The following MAMDC2 variants were observed in gnomAD, a reference collection of about 807,000 sequenced individuals.
MAMDC2 encodes MAM domain containing 2.
MAMDC2 carries 57 observed loss-of-function variants against 89.8 expected under a neutral mutation model. The ratio of observed to expected loss-of-function variants is 0.63; its 90% CI spans 0.51 to 0.79. The LOEUF is 0.79. MAMDC2 is among the 30% of genes least tolerant of loss of function. MAMDC2 has a pLI of 0.00. For missense variants in MAMDC2, 800 were observed against 820.6 expected, an observed-to-expected ratio of 0.97 and a Z score of 0.31; for synonymous variants, 313 against 293.4, an observed-to-expected ratio of 1.07 and a Z score of -0.68.
chr9:70,093,218 G>GA (rs1180255408), intron 2 of MAMDC2, among the ~76,000 whole-genome samples: 1 of 152,226 alleles, frequency 6.6e-6, no homozygotes, highest in African/African-American at 2.4e-5. Flanking sequence ...CAATACATGA[G>GA]AAAAAATATT....
At chr9:70,185,243 T>C (rs2032727694) in intron 11 of MAMDC2, among the ~76,000 whole-genome samples, 1 of 152,216 alleles carries the variant, frequency 6.6e-6, no homozygotes, top group East Asian at 1.9e-4. Context: ...TGCTTGCTCC[T>C]TTCTCTGGAA....
chr9:70,158,311 A>T (rs1296349322), intron 9 of MAMDC2, among the ~76,000 whole-genome samples: 1 of 152,134 alleles, frequency 6.6e-6, no homozygotes, highest in African/African-American at 2.4e-5. Context: ...TTAAAAACAT[A>T]ATACCCTGGA....
At chr9:70,197,480 G>A (rs138961099) in intron 11 of MAMDC2, among the ~76,000 whole-genome samples, 10 of 152,202 alleles carry the variant, frequency 6.6e-5, no homozygotes, top group African/African-American at 2.2e-4. Flanking sequence ...TACAAAGGAA[G>A]AGAAAGATGA....
intron 11 of MAMDC2, among the ~76,000 whole-genome samples, chr9:70,173,072 GC>G (rs1164682607): frequency 6.6e-6 from 1 of 152,192 alleles, no homozygotes; most frequent in East Asian, 1.9e-4. Context: ...GTCCTCAGGA[GC>G]CAGTTTCTCT....
chr9:70,156,070 C>T (rs1457452324), intron 9 of MAMDC2, among the ~76,000 whole-genome samples: 1 of 152,128 alleles, frequency 6.6e-6, no homozygotes, highest in Non-Finnish European at 1.5e-5. Context: ...GTCTCTTCTA[C>T]CTCCTGTTAT....
intron 6 of MAMDC2, among the ~76,000 whole-genome samples, chr9:70,131,072 A>G (rs2030785826): frequency 2.0e-5 from 3 of 152,196 alleles, no homozygotes; most frequent in Admixed American, 6.5e-5. Flanking sequence ...GTCCTAGATC[A>G]AAGTATTGGC....
intron 12 of MAMDC2, among the ~76,000 whole-genome samples, chr9:70,222,498 G>A (rs1200051679): frequency 6.6e-6 from 1 of 152,056 alleles, no homozygotes; most frequent in African/African-American, 2.4e-5. Flanking sequence ...AAAATATGTG[G>A]GTGGCCTCCT....
Position 70,168,717 on chromosome 9 carries a change from C to T in MAMDC2, c.1420C>T (p.Leu474=), listed in dbSNP as rs1238130068. The change falls in exon 10 of 14, where the codon CTA becomes TTA. Residue 474 remains leucine (L), a synonymous_variant. Coordinates refer to ENST00000377182, the MANE Select transcript of MAMDC2 (RefSeq NM_153267.5). ...PMPTKVVFMS[L]CKSFWDCGLV... is the part of the protein sequence containing the mutation. ...TGAATTTCAGGTGGTTTTCATGAGC[C>T]TATGCAAAAGTTTCTGGGACTGTGG... The T allele has an allele frequency of 6.2e-7, 1 of 1,613,736 alleles. No homozygotes were observed. The highest frequency in any genetic ancestry group is 8.5e-7 in the Non-Finnish European group (1 of 1,179,738).
intron 2 of MAMDC2, among the ~76,000 whole-genome samples, chr9:70,104,624 C>A (rs1374167901): frequency 6.6e-6 from 1 of 152,094 alleles, no homozygotes; most frequent in Non-Finnish European, 1.5e-5. Flanking sequence ...GAATGAAATT[C>A]TAATATATGC....
intron 2 of MAMDC2, among the ~76,000 whole-genome samples, chr9:70,096,664 A>T (rs544641851): frequency 1.2e-4 from 18 of 152,290 alleles, no homozygotes; most frequent in African/African-American, 3.6e-4. Context: ...GAGAGAATGG[A>T]TATTAGGGAG....
At chr9:70,088,056 G>A (rs183989768) in intron 2 of MAMDC2, among the ~76,000 whole-genome samples, 10 of 152,216 alleles carry the variant, frequency 6.6e-5, no homozygotes, top group Admixed American at 6.5e-4. Context: ...GTGTTCAGTT[G>A]GGAAAGTAAA....
At chr9:70,218,258 A>G in intron 11 of MAMDC2, 79 bp from the exon 12 acceptor site, 2 of 1,463,802 alleles carry the variant, frequency 1.4e-6, no homozygotes, top group Non-Finnish European at 9.2e-7. Flanking sequence ...TTGACTTGAC[A>G]CTCTGAAAGA....
Position 70,218,584 on chromosome 9 carries a change from G to A in MAMDC2, c.1899G>A (p.Glu633=), listed in dbSNP as rs763179658. The A allele has an allele frequency of 1.9e-6, 3 of 1,607,898 alleles. No homozygotes were observed. Among genetic ancestry groups the A allele is most frequent in the Non-Finnish European group, 2.6e-6 (3 of 1,175,564 alleles). Residue 633 remains glutamate (E), a synonymous_variant, in exon 12 of 14, where the codon GAG becomes GAA. Coordinates refer to ENST00000377182, the MANE Select transcript of MAMDC2 (RefSeq NM_153267.5). ...GAGCACTGATTGAATACAGCTGTGA[G>A]AGGCAACACCAGGTAAGCCAACAGA... is the stretch of plus-strand genomic sequence containing the variant. ...WLRALIEYSC[E]RQHQIIFEAI...
At chr9:70,114,756 A>G (rs2029890844) in intron 5 of MAMDC2, among the ~76,000 whole-genome samples, 1 of 152,138 alleles carries the variant, frequency 6.6e-6, no homozygotes, top group African/African-American at 2.4e-5. Context: ...GACGCTTTCA[A>G]GAAAGGAAAA....
At chr9:70,195,561 T>C (rs1467746562) in intron 11 of MAMDC2, among the ~76,000 whole-genome samples, 2 of 152,096 alleles carry the variant, frequency 1.3e-5, no homozygotes, top group Non-Finnish European at 1.5e-5. Flanking sequence ...CAGTTCTGAG[T>C]AGTGTTATGA....
intron 2 of MAMDC2, among the ~76,000 whole-genome samples, chr9:70,095,230 T>C (rs1827998281): frequency 2.6e-5 from 4 of 152,108 alleles, no homozygotes; most frequent in Admixed American, 2.6e-4. Context: ...TTGAGGACAA[T>C]GGGGACCCCC....
intron 11 of MAMDC2, among the ~76,000 whole-genome samples, chr9:70,193,742 G>A (rs755122194): frequency 6.6e-6 from 1 of 152,094 alleles, no homozygotes; most frequent in Non-Finnish European, 1.5e-5. Context: ...CAGGGTATTT[G>A]TTTGGTATTG....
Position 70,127,507 on chromosome 9 carries a change from T to C in MAMDC2, c.900+1092T>C, listed in dbSNP as rs149532940. 1.2e-3 allele frequency among the ~76,000 whole-genome samples: 180 copies of C among 152,102 alleles called. 1 individual carries two copies. Among genetic ancestry groups the C allele is most frequent in the African/African-American group, 4.2e-3 (173 of 41,494 alleles). ...GTGCTTTTTGCAATATCTTCTCCAG[T>C]TCCCTTTAAAGTGCCAGAGAAACAG... is the stretch of plus-strand genomic sequence containing the variant. On this transcript the variant is annotated intron_variant, in intron 6 of 13. Coordinates refer to ENST00000377182, the MANE Select transcript of MAMDC2 (RefSeq NM_153267.5).
chr9:70,166,270 T>C (rs866901850), intron 9 of MAMDC2, among the ~76,000 whole-genome samples: 28 of 35,138 alleles, frequency 8.0e-4, no homozygotes, highest in Middle Eastern at 0.062. Flanking sequence ...GAAATATATA[T>C]ATATATACAC....
Sources: allele counts gnomAD v4.1 joint callset (sites outside exome capture counted in the v4.1 genomes callset), GRCh38; gene constraint gnomAD v4.1.1; transcripts MANE v1.5; gene names NCBI Gene and HGNC (gene_info 2026-07-23, HGNC 2026-07-21).